TSHR: variants seen among roughly 807,000 people sequenced by gnomAD.
TSHR encodes the protein thyroid stimulating hormone receptor, also known as thyrotropin receptor.
A neutral mutation model predicts 64.1 loss-of-function variants in TSHR; 51 were observed. The observed-to-expected ratio is 0.80, with a 90% CI of 0.64 to 1.01. TSHR has a LOEUF of 1.01. Among genes scored for constraint, TSHR ranks in the 50% least tolerant of loss-of-function variants. TSHR has a pLI of 0.00. For synonymous variants in TSHR, 361 were observed against 361.9 expected, an observed-to-expected ratio of 1.00 and a Z score of 0.03; for missense variants, 877 against 942.8, an observed-to-expected ratio of 0.93 and a Z score of 0.91.
At chr14:80,964,391 C>T (rs1887189204) in intron 1 of TSHR, among the ~76,000 whole-genome samples, 1 of 152,190 alleles carries the variant, frequency 6.6e-6, no homozygotes, top group Non-Finnish European at 1.5e-5. Context: ...ATTCGTAATA[C>T]ATAAAACATA....
chr14:81,139,325 T>C lies in TSHR; in HGVS notation c.693-354T>C, dbSNP rs76575178. On this transcript the variant is annotated intron_variant, in intron 8 of 9. Transcript: ENST00000298171. ...TCCCCTTCGTCTCTGTTCTACTTCATTTCTCTTGCCTCTTGAGACCCTTTC... is the reference window on the plus strand; with the variant it reads ...TCCCCTTCGTCTCTGTTCTACTTCACTTCTCTTGCCTCTTGAGACCCTTTC... Among the ~76,000 whole-genome samples the C allele has an allele frequency of 8.2e-4, 125 of 152,338 alleles. No homozygotes were observed. The East Asian group carries it at 0.02, about 25-fold the overall frequency.
At chr14:81,099,122 A>G (rs1225514223) in intron 7 of TSHR, among the ~76,000 whole-genome samples, 4 of 152,334 alleles carry the variant, frequency 2.6e-5, no homozygotes, top group Non-Finnish European at 4.4e-5. Flanking sequence ...TGGATGTAGC[A>G]GGATCATGGG....
chr14:80,983,450 G>T, intron 1 of TSHR: 1 of 1,309,870 alleles, frequency 7.6e-7, no homozygotes, highest in Non-Finnish European at 1.1e-6. Flanking sequence ...TCAATATGAA[G>T]GCACTGGCAG....
At chr14:81,140,597 T>C (rs1208351168) in intron 9 of TSHR, among the ~76,000 whole-genome samples, 1 of 152,206 alleles carries the variant, frequency 6.6e-6, no homozygotes, top group Non-Finnish European at 1.5e-5. Context: ...TTGCCTTCAT[T>C]TTCTCTCCAG....
chr14:81,013,670 G>A (rs1290841852), intron 1 of TSHR: 5 of 152,302 alleles, frequency 3.3e-5, no homozygotes, highest in African/African-American at 1.2e-4. Context: ...GACTTCCTGG[G>A]AGTGTAAGTG....
At chr14:81,120,366 T>TA (rs1890739046) in intron 8 of TSHR, among the ~76,000 whole-genome samples, 2 of 152,124 alleles carry the variant, frequency 1.3e-5, no homozygotes, top group African/African-American at 4.8e-5. Flanking sequence ...GTCAATGTCT[T>TA]AGAGTTTTCA....
chr14:80,964,997 G>A (rs1422457199), intron 1 of TSHR, among the ~76,000 whole-genome samples: 6 of 152,180 alleles, frequency 3.9e-5, no homozygotes, highest in East Asian at 1.9e-4. Context: ...AAAGTAAGAC[G>A]AAACTGTTTT....
chr14:81,104,292 G>A (rs1204190874), intron 7 of TSHR: 3 of 985,290 alleles, frequency 3.0e-6, no homozygotes, highest in East Asian at 1.1e-4. Context: ...AACGCTGTGG[G>A]AGGAAAACAT....
chr14:81,071,801 G>A (rs1040130975), intron 3 of TSHR, among the ~76,000 whole-genome samples: 3 of 152,126 alleles, frequency 2.0e-5, no homozygotes, highest in South Asian at 2.1e-4. Flanking sequence ...TCAGATGGTG[G>A]TGGTATCAAC....
chr14:80,991,704 G>A, intron 1 of TSHR: 1 of 396,328 alleles, frequency 2.5e-6, no homozygotes, highest in Non-Finnish European at 4.4e-6. Context: ...ATAATAGAAG[G>A]GCCTAGGGAA....
At chr14:81,132,436 A>G (rs2140089663) in intron 8 of TSHR, among the ~76,000 whole-genome samples, 1 of 152,342 alleles carries the variant, frequency 6.6e-6, no homozygotes, top group East Asian at 1.9e-4. Flanking sequence ...TTGAGGTTCA[A>G]TTTGCTCTTC....
At chr14:81,059,486 T>G (rs772822535) in intron 1 of TSHR, among the ~76,000 whole-genome samples, 6 of 152,176 alleles carry the variant, frequency 3.9e-5, no homozygotes, top group Non-Finnish European at 8.8e-5. Flanking sequence ...ACTGTTAAAT[T>G]GCAATTGAAT....
chr14:80,970,738 A>G (rs1042177742), intron 1 of TSHR, among the ~76,000 whole-genome samples: 4 of 152,250 alleles, frequency 2.6e-5, no homozygotes, highest in African/African-American at 9.6e-5. Context: ...CTGCTGCCAA[A>G]AGCCAAGACG....
intron 1 of TSHR, among the ~76,000 whole-genome samples, chr14:81,056,803 T>C (rs904297097): frequency 9.2e-5 from 14 of 152,228 alleles, no homozygotes; most frequent in Non-Finnish European, 1.9e-4. Flanking sequence ...TATGCCATTC[T>C]ATTTCAGCTG....
At chr14:81,039,992 C>T (rs984978686) in intron 1 of TSHR, among the ~76,000 whole-genome samples, 2 of 151,844 alleles carry the variant, frequency 1.3e-5, no homozygotes, top group African/African-American at 4.8e-5. Flanking sequence ...AGCCACAAAA[C>T]ATCTTGAATA....
intron 1 of TSHR, chr14:81,013,335 G>C (rs905521081): frequency 2.6e-5 from 4 of 152,118 alleles, no homozygotes; most frequent in East Asian, 3.9e-4. Context: ...TGCTGTTTTG[G>C]TTACTGTAGC....
At chr14:81,136,286 T>A (rs543562416) in intron 8 of TSHR, among the ~76,000 whole-genome samples, 6 of 152,350 alleles carry the variant, frequency 3.9e-5, no homozygotes, top group Admixed American at 2.0e-4. Flanking sequence ...CAGTAAGAGA[T>A]AATGTTAGCT....
At chr14:81,089,109 T>C (rs1369963203) in intron 4 of TSHR, among the ~76,000 whole-genome samples, 2 of 150,606 alleles carry the variant, frequency 1.3e-5, no homozygotes, top group Non-Finnish European at 2.9e-5. Flanking sequence ...TGCCTCAGCC[T>C]CCCGAGTAGC....
intron 3 of TSHR, among the ~76,000 whole-genome samples, chr14:81,082,171 T>C (rs1412882296): frequency 2.0e-5 from 3 of 152,180 alleles, no homozygotes; most frequent in Non-Finnish European, 2.9e-5. Context: ...AATAAGTTTA[T>C]AGATACTTGT....
Sources: gnomAD v4.1 joint callset for allele counts (sites outside exome capture counted in the v4.1 genomes callset) on GRCh38, gnomAD v4.1.1 for gene constraint, MANE v1.5 for transcripts, NCBI Gene and HGNC (gene_info 2026-07-23, HGNC 2026-07-21) for gene names.